The following NELL1 variants were observed in gnomAD, a reference collection of about 807,000 sequenced individuals.
NELL1 encodes the protein protein kinase C-binding protein NELL1.
A neutral mutation model predicts 107.4 loss-of-function variants in NELL1; 76 were observed. The observed-to-expected ratio is 0.71, with a 90% CI of 0.59 to 0.86. The LOEUF is 0.86. Among genes scored for constraint, NELL1 ranks in the 40% least tolerant of loss-of-function variants. NELL1 has a pLI of 0.00. For synonymous variants in NELL1, 353 were observed against 341.2 expected, an observed-to-expected ratio of 1.03 and a Z score of -0.38; for missense variants, 1,024 against 1,005.5, an observed-to-expected ratio of 1.02 and a Z score of -0.25.
At chr11:20,808,619 C>T (rs1200059847) in intron 3 of NELL1, among the ~76,000 whole-genome samples, 1 of 152,146 alleles carries the variant, frequency 6.6e-6, no homozygotes, top group Non-Finnish European at 1.5e-5. Flanking sequence ...GCTTAGACTG[C>T]CTTTCAGGTT....
At chr11:21,232,453 A>G (rs1339558782) in intron 14 of NELL1, among the ~76,000 whole-genome samples, 1 of 152,142 alleles carries the variant, frequency 6.6e-6, no homozygotes. Context: ...CAAACTAAAG[A>G]CTAGTATTAG....
At chr11:21,064,335 T>G (rs1853816889) in intron 12 of NELL1, among the ~76,000 whole-genome samples, 1 of 152,066 alleles carries the variant, frequency 6.6e-6, no homozygotes, top group Non-Finnish European at 1.5e-5. Flanking sequence ...CAAACAAGAA[T>G]AGAAGGAATA....
intron 14 of NELL1, among the ~76,000 whole-genome samples, chr11:21,264,092 G>GTGTGTGTGTGTGTGTGTT (rs1565136622): frequency 1.3e-5 from 2 of 151,564 alleles, no homozygotes; most frequent in South Asian, 4.2e-4. Flanking sequence ...GTGTGTGTGT[G>GTGTGTGTGTGTGTGTGTT]TGTGTTTGTG....
chr11:21,016,600 C>T (rs1452784465), intron 12 of NELL1, among the ~76,000 whole-genome samples: 1 of 152,082 alleles, frequency 6.6e-6, no homozygotes, highest in Admixed American at 6.6e-5. Context: ...TTACCTTTCC[C>T]TGCTATAGTC....
At chr11:20,870,813 T>C (rs1360795435) in intron 4 of NELL1, among the ~76,000 whole-genome samples, 1 of 152,232 alleles carries the variant, frequency 6.6e-6, no homozygotes, top group Non-Finnish European at 1.5e-5. Flanking sequence ...GATTGTGAAC[T>C]TCTAAAGTCT....
intron 12 of NELL1, among the ~76,000 whole-genome samples, chr11:21,081,986 C>G (rs1475895008): frequency 6.6e-6 from 1 of 152,280 alleles, no homozygotes; most frequent in East Asian, 1.9e-4. Context: ...AGCCTATACT[C>G]TGAAACACTA....
At chr11:21,300,058 A>G (rs1263829567) in intron 14 of NELL1, among the ~76,000 whole-genome samples, 3 of 151,994 alleles carry the variant, frequency 2.0e-5, no homozygotes, top group Non-Finnish European at 4.4e-5. Flanking sequence ...ATATTATTTC[A>G]AATTCTAAGT....
At chr11:21,171,689 CA>C (rs1166077136) in intron 13 of NELL1, among the ~76,000 whole-genome samples, 1 of 151,780 alleles carries the variant, frequency 6.6e-6, no homozygotes, top group African/African-American at 2.4e-5. Flanking sequence ...ACTTTGTCCT[CA>C]AGAAACCTAC....
intron 14 of NELL1, among the ~76,000 whole-genome samples, chr11:21,319,417 T>C (rs1420623951): frequency 6.6e-6 from 1 of 150,604 alleles, no homozygotes; most frequent in African/African-American, 2.4e-5. Context: ...CTCAAACTCC[T>C]GGCCTCAAAT....
At chr11:20,824,347 A>C (rs1045744893) in intron 3 of NELL1, among the ~76,000 whole-genome samples, 1 of 151,344 alleles carries the variant, frequency 6.6e-6, no homozygotes, top group African/African-American at 2.4e-5. Context: ...CAGTGTGAGA[A>C]CAGACTACTA....
intron 15 of NELL1, among the ~76,000 whole-genome samples, chr11:21,470,151 G>A (rs1854138829): frequency 6.6e-6 from 1 of 151,926 alleles, no homozygotes; most frequent in Non-Finnish European, 1.5e-5. Flanking sequence ...AAAGAATTGA[G>A]GTAAAGATAT....
chr11:20,973,199 C>T (rs551180648), intron 12 of NELL1, among the ~76,000 whole-genome samples: 1 of 150,922 alleles, frequency 6.6e-6, no homozygotes, highest in East Asian at 2.0e-4. Context: ...ACCTCCACCT[C>T]CTGGGTTCAA....
At chr11:21,122,122 G>T (rs1317755671) in intron 13 of NELL1, among the ~76,000 whole-genome samples, 1 of 152,136 alleles carries the variant, frequency 6.6e-6, no homozygotes, top group African/African-American at 2.4e-5. Context: ...AACCACTTTG[G>T]CTGTTGCAGA....
At chr11:21,489,380 CAAAAAAAAAAA>C (rs1163644356) in intron 15 of NELL1, among the ~76,000 whole-genome samples, 1,649 of 47,834 alleles carry the variant, frequency 0.034, 56 homozygotes, top group African/African-American at 0.095. Flanking sequence ...GAAAGTATTT[CAAAAAAAAAAA>C]AAAAAAAAAA....
chr11:20,918,966 T>G (rs965104237), intron 6 of NELL1, among the ~76,000 whole-genome samples: 1 of 152,066 alleles, frequency 6.6e-6, no homozygotes, highest in Non-Finnish European at 1.5e-5. Context: ...TTCACATTTT[T>G]TAAGTTACCT....
At chr11:21,400,969 C>T (rs1852083898) in intron 15 of NELL1, among the ~76,000 whole-genome samples, 1 of 151,852 alleles carries the variant, frequency 6.6e-6, no homozygotes, top group African/African-American at 2.4e-5. Flanking sequence ...GAAAATAACA[C>T]ATTTCATACA....
At chr11:21,179,862 CTTTT>C (rs1164420669) in intron 13 of NELL1, among the ~76,000 whole-genome samples, 87 of 75,700 alleles carry the variant, frequency 1.1e-3, no homozygotes, top group African/African-American at 2.5e-3. Flanking sequence ...AATCAACACA[CTTTT>C]TTTTTTTTTT....
intron 14 of NELL1, among the ~76,000 whole-genome samples, chr11:21,231,179 A>G (rs1858039745): frequency 6.6e-6 from 1 of 152,190 alleles, no homozygotes; most frequent in African/African-American, 2.4e-5. Context: ...AATAAATTCA[A>G]GTTCAGAACA....
rs151203466 is a variant in NELL1 at position 20,940,417 on chromosome 11, C to A, written c.1071+2558C>A. On this transcript the variant is annotated intron_variant, in intron 10 of 19. Transcript: ENST00000357134. ...TGGAATTAAGAGCTGCGCCACCACA[C>A]CCAGCTAATTTTTGTATTTTTAGTA... is the stretch of plus-strand genomic sequence containing the variant. Among the ~76,000 whole-genome samples, 628 of 152,230 alleles carry A rather than the reference C, an allele frequency of 4.1e-3. 6 individuals carry two copies. The highest frequency in any genetic ancestry group is 0.014 in the African/African-American group (583 of 41,536).
Sources: allele counts gnomAD v4.1 joint callset (sites outside exome capture counted in the v4.1 genomes callset), GRCh38; gene constraint gnomAD v4.1.1; transcripts MANE v1.5; gene names NCBI Gene and HGNC (gene_info 2026-07-23, HGNC 2026-07-21).